Variants in ZNF728 observed in about 807,000 individuals in gnomAD.
ZNF728 encodes zinc finger protein 728.
Under a neutral mutation model 12.5 loss-of-function variants are expected in ZNF728, and 12 were observed. That is an observed-to-expected ratio of 0.96 (90% confidence interval 0.61 to 1.55). The LOEUF is 1.55. ZNF728 is among the 40% of genes most tolerant of loss of function. ZNF728 has a pLI of 0.00. For synonymous variants in ZNF728, 205 were observed against 240.7 expected (o/e 0.85, Z 1.37); for missense variants, 692 against 719.2 (o/e 0.96, Z 0.43).
At chr19:22,979,261 T>C (rs1215365062) in intron 3 of ZNF728, among the ~76,000 whole-genome samples, 1 of 151,842 alleles carries the variant, frequency 6.6e-6, no homozygotes, top group African/African-American at 2.4e-5. Flanking sequence ...AGAAAGGATA[T>C]CAGAGACTGA....
In ZNF728 at chr19:22,975,581, G is replaced by T; in HGVS notation, c.1756C>A (p.His586Asn). The change falls in exon 4 of 4, where the codon CAT becomes AAT. Residue 586 changes from histidine to asparagine, a missense_variant. Transcript: ENST00000594710. Reference protein sequence around the residue: ...VSVLNKHKKIHAGKKFYKCEE... With the variant: ...VSVLNKHKKINAGKKFYKCEE... ...CATTTGTAGAATTTCTTTCCAGCAT[G>T]AATTTTCTTATGTTTGTTAAGGACT... is the stretch of plus-strand genomic sequence containing the variant. The T allele has an allele frequency of 6.2e-7, 1 of 1,602,622 alleles. No individual in the cohort carries two copies. Among genetic ancestry groups the T allele is most frequent in the Non-Finnish European group, 8.5e-7 (1 of 1,175,940 alleles).
At chr19:22,994,603 G>C (rs1452122954) in intron 1 of ZNF728, among the ~76,000 whole-genome samples, 1 of 152,142 alleles carries the variant, frequency 6.6e-6, no homozygotes, top group Non-Finnish European at 1.5e-5. Flanking sequence ...AATTCATCTG[G>C]TAGTTGGGAA....
Position 22,988,402 on chromosome 19 carries a change from C to T in ZNF728, c.53G>A (p.Trp18Ter), listed in dbSNP as rs776613669. The T allele has an allele frequency of 8.1e-6, 13 of 1,613,984 alleles. No individual in the cohort carries two copies. Among genetic ancestry groups the T allele is most frequent in the African/African-American group, 2.7e-5 (2 of 74,888 alleles). The change falls in exon 2 of 4, where the codon TGG becomes TAG. Residue 18 changes from tryptophan (W) to a stop codon, truncating the protein, a stop_gained. Coordinates refer to ENST00000594710, the MANE Select transcript of ZNF728 (RefSeq NM_001267716.2). LOFTEE classifies it high-confidence loss of function. ...DVAIQFSLEE[W>*]QCLDTAQQNL... ...CTGCTGTGCAGTGTCCAGGCATTGC[C>T]ACTCCTCCAGAGAGAATTGTATGGC...
intron 1 of ZNF728, among the ~76,000 whole-genome samples, chr19:23,000,886 CCAA>C (rs1423363474): frequency 8.1e-5 from 8 of 98,238 alleles, no homozygotes; most frequent in African/African-American, 4.3e-4. Context: ...AAAAAAAAAA[CCAA>C]AAAAAAAAAA....
At chr19:22,984,172 A>G (rs1265899127) in intron 3 of ZNF728, among the ~76,000 whole-genome samples, 1 of 152,124 alleles carries the variant, frequency 6.6e-6, no homozygotes, top group East Asian at 1.9e-4. Context: ...AGGCCAAAAA[A>G]GAAGTCTTAC....
chr19:22,981,174 G>A (rs1968858437), intron 3 of ZNF728, among the ~76,000 whole-genome samples: 2 of 152,030 alleles, frequency 1.3e-5, no homozygotes, highest in African/African-American at 4.8e-5. Context: ...TCAAATAGAT[G>A]CAATCAAAAA....
intron 3 of ZNF728, among the ~76,000 whole-genome samples, chr19:22,979,542 CA>C (rs1249574147): frequency 6.6e-6 from 1 of 152,082 alleles, no homozygotes; most frequent in African/African-American, 2.4e-5. Context: ...TCGAGAAGAG[CA>C]ACCCCAAGAC....
chr19:22,987,420 G>A lies in ZNF728; in HGVS notation c.131-17C>T, dbSNP rs751835092. The A allele has an allele frequency of 7.5e-6, 12 of 1,591,082 alleles. No homozygotes were observed. The highest frequency in any genetic ancestry group is 5.4e-5 in the African/African-American group (4 of 73,796). ...CAGCAATACCTGTTTTATTAAAAAT[G>A]AGTAACATGCATCTTGCTCATATTC... On this transcript the variant is annotated splice_polypyrimidine_tract_variant and intron_variant, in intron 2 of 3. Transcript: ENST00000594710.
chr19:22,976,761 T>C lies in ZNF728; in HGVS notation c.576A>G (p.Lys192=). 1.2e-6 allele frequency: 2 copies of C among 1,613,480 alleles called. No individual in the cohort carries two copies. Among genetic ancestry groups the C allele is most frequent in the Admixed American group, 3.3e-5 (2 of 59,890 alleles). ...FCMLSHLSQH[K]RIYTRENSYK... ...AGGAATTCTCTCTAGTATAAATTCT[T>C]TTATGTTGAGATAGGTGTGAAAGCA... The change falls in exon 4 of 4, where the codon AAA becomes AAG. Residue 192 remains lysine, a synonymous_variant. Coordinates refer to ENST00000594710, the MANE Select transcript of ZNF728 (RefSeq NM_001267716.2).
chr19:22,990,204 G>T (rs1014416675), intron 1 of ZNF728, among the ~76,000 whole-genome samples: 1 of 151,888 alleles, frequency 6.6e-6, no homozygotes, highest in African/African-American at 2.4e-5. Flanking sequence ...CTAAATGTAT[G>T]TTTCCTGGAG....
At chr19:22,999,159 T>C (rs1255761163) in intron 1 of ZNF728, among the ~76,000 whole-genome samples, 2 of 152,204 alleles carry the variant, frequency 1.3e-5, no homozygotes, top group Non-Finnish European at 2.9e-5. Context: ...CTAATCTTAT[T>C]TGCTTTTCCC....
At chr19:22,984,575 A>AATACACACACACAC in intron 3 of ZNF728, among the ~76,000 whole-genome samples, 1 of 70,076 alleles carries the variant, frequency 1.4e-5, no homozygotes, top group South Asian at 3.5e-4. Context: ...AAAAAAAAAA[A>AATACACACACACAC]ATACACACAC....
intron 1 of ZNF728, among the ~76,000 whole-genome samples, chr19:23,002,175 C>T (rs1459799860): frequency 6.6e-6 from 1 of 152,132 alleles, no homozygotes; most frequent in African/African-American, 2.4e-5. Flanking sequence ...GTTAACGGGG[C>T]GTGGTGGCGC....
chr19:22,998,000 G>A (rs958349829), intron 1 of ZNF728, among the ~76,000 whole-genome samples: 20 of 151,968 alleles, frequency 1.3e-4, no homozygotes, highest in African/African-American at 4.8e-4. Context: ...AGTGAGAACG[G>A]CCATTATTAT....
At chr19:22,993,607 A>C (rs527821350) in intron 1 of ZNF728, among the ~76,000 whole-genome samples, 16 of 151,328 alleles carry the variant, frequency 1.1e-4, no homozygotes, top group Non-Finnish European at 1.9e-4. Flanking sequence ...TTGCAAAGGC[A>C]AAAAAAAAGG....
intron 1 of ZNF728, among the ~76,000 whole-genome samples, chr19:22,993,810 A>G (rs1463078849): frequency 6.6e-6 from 1 of 152,228 alleles, no homozygotes; most frequent in East Asian, 1.9e-4. Context: ...ATAGCTGAAA[A>G]AAAGGGAGAA....
intron 2 of ZNF728, among the ~76,000 whole-genome samples, chr19:22,988,120 C>T (rs1329383007): frequency 2.2e-4 from 33 of 152,080 alleles, no homozygotes; most frequent in Admixed American, 2.1e-3. Context: ...CTCCCTATCT[C>T]CTTTACTCAA....
chr19:22,988,467 A>G lies in ZNF728; in HGVS notation c.4-16T>C, dbSNP rs1162187794. On this transcript the variant is annotated splice_polypyrimidine_tract_variant and intron_variant, in intron 1 of 3. Transcript: ENST00000594710. Reference sequence around the variant, plus strand: ...TCAACGATCCCTGGAAAACACACACAAACACACATATTTACCAAGTGGTCA... The same window carrying G: ...TCAACGATCCCTGGAAAACACACACGAACACACATATTTACCAAGTGGTCA... The G allele has an allele frequency of 4.3e-6, 7 of 1,613,306 alleles. No individual in the cohort carries two copies. In the African/African-American group the frequency reaches 6.7e-5, roughly 15 times the overall value.
chr19:22,994,804 C>T (rs575788090), intron 1 of ZNF728, among the ~76,000 whole-genome samples: 41 of 152,288 alleles, frequency 2.7e-4, no homozygotes, highest in Non-Finnish European at 5.0e-4. Flanking sequence ...GTCTCTACTC[C>T]CTGAGCACTG....
Sources: gnomAD v4.1 joint callset for allele counts (sites outside exome capture counted in the v4.1 genomes callset) on GRCh38, gnomAD v4.1.1 for gene constraint, MANE v1.5 for transcripts, NCBI Gene and HGNC (gene_info 2026-07-23, HGNC 2026-07-21) for gene names.